Variants in MRPS31 observed in about 807,000 individuals in gnomAD.
MRPS31 encodes mitochondrial ribosomal protein S31.
MRPS31 carries 32 observed loss-of-function variants against 43.1 expected under a neutral mutation model. That is an observed-to-expected ratio of 0.74 (90% CI 0.56 to 1.00). The LOEUF (loss-of-function observed/expected upper bound fraction) is 1.00, where lower values mean the gene tolerates loss of function less well. Ranked by LOEUF, MRPS31 falls within the 50% of genes least tolerant of loss-of-function variation. MRPS31 has a pLI of 0.00. For synonymous variants in MRPS31, 165 were observed against 161.6 expected, an observed-to-expected ratio of 1.02 and a Z score of -0.16; for missense variants, 437 against 466.7, an observed-to-expected ratio of 0.94 and a Z score of 0.59.
intron 6 of MRPS31, among the ~76,000 whole-genome samples, chr13:40,735,483 C>G (rs1425517271): frequency 6.6e-6 from 1 of 152,072 alleles, no homozygotes; most frequent in Non-Finnish European, 1.5e-5. Flanking sequence ...GGGCAGGGCG[C>G]AGACAAACAA....
intron 6 of MRPS31, among the ~76,000 whole-genome samples, chr13:40,747,576 A>C (rs1193503648): frequency 6.6e-6 from 1 of 152,186 alleles, no homozygotes; most frequent in Non-Finnish European, 1.5e-5. Context: ...ATATTATTGC[A>C]GGTACTATAT....
chr13:40,771,000 G>A lies in MRPS31; in HGVS notation c.137C>T (p.Ser46Leu), dbSNP rs1031367593. Residue 46 changes from serine (S) to leucine (L), a missense_variant, in exon 1 of 7, where the codon TCA becomes TTA. By Grantham distance (145) the Ser-to-Leu change is moderately radical (BLOSUM62 -2). Coordinates refer to ENST00000323563, the MANE Select transcript of MRPS31 (RefSeq NM_005830.4). ...VRHGTVRYRS[S>L]ALLARTKNNI... ...GAGGACCTACCGGGCCAACAGCGCT[G>A]AACTGCGGTACCTGACTGTTCCGTG... 1.9e-6 allele frequency: 3 copies of A among 1,614,056 alleles called. No homozygotes were observed. Among genetic ancestry groups the A allele is most frequent in the Non-Finnish European group, 2.5e-6 (3 of 1,180,040 alleles).
intron 2 of MRPS31, among the ~76,000 whole-genome samples, chr13:40,760,216 A>G (rs572217282): frequency 2.0e-5 from 3 of 152,214 alleles, no homozygotes; most frequent in Admixed American, 6.5e-5. Flanking sequence ...AGGTGAAAAA[A>G]AAATCAAAAC....
At chr13:40,767,846 T>C (rs186079128) in intron 1 of MRPS31, among the ~76,000 whole-genome samples, 1 of 152,212 alleles carries the variant, frequency 6.6e-6, no homozygotes, top group East Asian at 1.9e-4. Context: ...TAAATTTCTA[T>C]CAATAAAAAA....
At chr13:40,748,649 G>C (rs935986778) in intron 6 of MRPS31, among the ~76,000 whole-genome samples, 15 of 152,134 alleles carry the variant, frequency 9.9e-5, no homozygotes, top group Non-Finnish European at 4.4e-5. Flanking sequence ...ATATTATGCA[G>C]GCAAAGATTT....
intron 5 of MRPS31, among the ~76,000 whole-genome samples, chr13:40,750,202 T>C (rs909123469): frequency 1.4e-4 from 22 of 152,160 alleles, no homozygotes; most frequent in Admixed American, 1.4e-3. Flanking sequence ...TAAAAATGCG[T>C]TACTAGTACA....
intron 4 of MRPS31, among the ~76,000 whole-genome samples, chr13:40,755,081 A>G (rs1880494287): frequency 6.6e-6 from 1 of 152,228 alleles, no homozygotes; most frequent in African/African-American, 2.4e-5. Context: ...TTTAAAAATA[A>G]TTTTGAATTC....
chr13:40,729,616 C>A lies in MRPS31; in HGVS notation c.959-15G>T, dbSNP rs772851956. 1 of 1,418,126 alleles carries A rather than the reference C, an allele frequency of 7.1e-7. No individual in the cohort carries two copies. The highest frequency in any genetic ancestry group is 1.0e-6 in the Non-Finnish European group (1 of 1,003,858). 87.8% of individuals were successfully genotyped at this position (1,418,126 alleles called of 1,614,324 possible). A position where few individuals can be genotyped will look rare whatever the true frequency, so the allele number is the denominator to read the frequency against. ...ATCATCAAAACCTAGGAAATGAGACCAAATACATTACATTATAATTTTAAA... is the reference window on the plus strand; with the variant it reads ...ATCATCAAAACCTAGGAAATGAGACAAAATACATTACATTATAATTTTAAA... On this transcript the variant is annotated splice_polypyrimidine_tract_variant and intron_variant, in intron 6 of 6. Transcript: ENST00000323563.
chr13:40,750,742 T>TTATATATATA lies in MRPS31; in HGVS notation c.815-1471_815-1462dup, dbSNP rs66521234. 2.6e-3 allele frequency among the ~76,000 whole-genome samples: 335 copies of TTATATATATA among 130,814 alleles called. 1 individual carries two copies. The highest frequency in any genetic ancestry group is 7.0e-3 in the South Asian group (28 of 3,976). 85.8% of individuals were successfully genotyped at this position (130,814 alleles called of 152,430 possible). ...TGAATGCTTGCATTAGTATCCCATT[T>TTATATATATA]TATATATATATATATATATATATAT... On this transcript the variant is annotated intron_variant, in intron 5 of 6. Transcript: ENST00000323563.
chr13:40,766,250 T>G (rs1880841375), intron 2 of MRPS31, among the ~76,000 whole-genome samples: 1 of 152,224 alleles, frequency 6.6e-6, no homozygotes, highest in South Asian at 2.1e-4. Flanking sequence ...CTCTTGTTAT[T>G]TAAATATAAT....
At chr13:40,746,759 T>A (rs1418183771) in intron 6 of MRPS31, among the ~76,000 whole-genome samples, 1 of 152,176 alleles carries the variant, frequency 6.6e-6, no homozygotes, top group Non-Finnish European at 1.5e-5. Flanking sequence ...CAGTATAAAG[T>A]AAAATTTTGA....
At chr13:40,767,941 C>A (rs1175231596) in intron 1 of MRPS31, among the ~76,000 whole-genome samples, 1 of 152,144 alleles carries the variant, frequency 6.6e-6, no homozygotes, top group Non-Finnish European at 1.5e-5. Context: ...AACCCATAAC[C>A]ATTTGTAAGG....
intron 2 of MRPS31, among the ~76,000 whole-genome samples, chr13:40,761,932 A>G (rs545953404): frequency 7.9e-5 from 12 of 151,794 alleles, no homozygotes; most frequent in Middle Eastern, 3.4e-3. Context: ...AAAAAAAAAA[A>G]AAAGAAAGAA....
chr13:40,732,402 C>A (rs1879724587), intron 6 of MRPS31, among the ~76,000 whole-genome samples: 2 of 152,210 alleles, frequency 1.3e-5, no homozygotes, highest in Non-Finnish European at 2.9e-5. Context: ...ACCTATCTCT[C>A]AAATCCATTC....
intron 6 of MRPS31, among the ~76,000 whole-genome samples, chr13:40,743,277 T>C (rs1271371997): frequency 6.7e-6 from 1 of 150,096 alleles, no homozygotes; most frequent in Non-Finnish European, 1.5e-5. Flanking sequence ...ATCACGCCAA[T>C]GCACTCCAGC....
chr13:40,746,755 A>C (rs1044248762), intron 6 of MRPS31, among the ~76,000 whole-genome samples: 1 of 152,238 alleles, frequency 6.6e-6, no homozygotes, highest in Non-Finnish European at 1.5e-5. Context: ...GTTCCAGTAT[A>C]AAGTAAAATT....
At position 40,758,865 on chromosome 13, in the gene MRPS31, T is replaced by C. The variant is rs540544456; in HGVS notation, c.599+83A>G. The stretch of plus-strand genomic sequence containing the variant: ...ACAAATTCCACTTACGTGGTATATA[T>C]TATGTGTATTACTCACTAGCCATAT... On this transcript the variant is annotated intron_variant, in intron 3 of 6. Coordinates refer to ENST00000323563, the MANE Select transcript of MRPS31 (RefSeq NM_005830.4). 18 of 1,231,774 alleles carry C rather than the reference T, an allele frequency of 1.5e-5. No individual in the cohort carries two copies. In the South Asian group the frequency reaches 4.5e-4, roughly 31 times the overall value. 76.3% of individuals were successfully genotyped at this position (1,231,774 alleles called of 1,614,324 possible).
Position 40,756,872 on chromosome 13 carries a change from C to A in MRPS31, c.740+1G>T. 6.2e-7 allele frequency: 1 copy of A among 1,612,764 alleles called. No homozygotes were observed. Among genetic ancestry groups the A allele is most frequent in the Non-Finnish European group, 8.5e-7 (1 of 1,179,672 alleles). ...ACCCAGCAGATTACAAAGCCTGATA[C>A]CTTTTTTTAAGATCATCCGTCTTCT... On this transcript the variant is annotated splice_donor_variant, in intron 4 of 6. Transcript: ENST00000323563. LOFTEE classifies it high-confidence loss of function.
Position 40,771,184 on chromosome 13 carries a change from C to G in MRPS31, c.-48G>C. On this transcript the variant is annotated 5_prime_UTR_variant, in exon 1 of 7. Transcript: ENST00000323563. ...AGAACACAACTGAAATGGTGCGTCC[C>G]GCTGCCAAACACGTCCCCGCCCTCT... 6.5e-6 allele frequency: 10 copies of G among 1,538,892 alleles called. No homozygotes were observed. Among genetic ancestry groups the G allele is most frequent in the Non-Finnish European group, 8.8e-6 (10 of 1,138,272 alleles).
Sources: gnomAD v4.1 joint callset for allele counts (sites outside exome capture counted in the v4.1 genomes callset) on GRCh38, gnomAD v4.1.1 for gene constraint, MANE v1.5 for transcripts, NCBI Gene and HGNC (gene_info 2026-07-23, HGNC 2026-07-21) for gene names.